PRPF18: variants seen among roughly 807,000 people sequenced by gnomAD.
The protein encoded by PRPF18 is pre-mRNA-splicing factor 18.
In PRPF18, 38 loss-of-function variants were observed where a neutral mutation model predicts 46.5. That is an observed-to-expected ratio of 0.82 (90% confidence interval 0.63 to 1.07). PRPF18 has a LOEUF of 1.07. PRPF18 is among the 50% of genes least tolerant of loss of function. The pLI is 0.00. For missense variants in PRPF18, 263 were observed against 410.0 expected (o/e 0.64, Z 3.10); for synonymous variants, 152 against 146.7 (o/e 1.04, Z -0.26).
intron 9 of PRPF18, among the ~76,000 whole-genome samples, chr10:13,626,072 G>A (rs180853347): frequency 6.6e-6 from 1 of 152,346 alleles, no homozygotes; most frequent in Admixed American, 6.5e-5. Flanking sequence ...AGGTCACATG[G>A]CTAGTCAGTG....
chr10:13,602,645 A>G lies in PRPF18; in HGVS notation c.249+2297A>G, dbSNP rs1356738723. ...ATATAGAAAATGTAATTTTCTTTAT[A>G]TTTTAATTTTGTATCTCAAATGAGT... On this transcript the variant is annotated intron_variant, in intron 3 of 9. Transcript: ENST00000378572. 2.0e-5 allele frequency among the ~76,000 whole-genome samples: 3 copies of G among 151,862 alleles called. No homozygotes were observed. In the East Asian group the frequency reaches 5.8e-4, roughly 29 times the overall value.
rs140709415 is a variant in PRPF18, at chr10:13,587,683, T to A, written c.66+531T>A. 2.8e-3 allele frequency among the ~76,000 whole-genome samples: 431 copies of A among 152,344 alleles called. 3 individuals are homozygous for A. The highest frequency in any genetic ancestry group is 0.01 in the Middle Eastern group (3 of 294). On this transcript the variant is annotated intron_variant, in intron 1 of 9. Coordinates refer to ENST00000378572, the MANE Select transcript of PRPF18 (RefSeq NM_003675.4). ...ACCCTTCATCCAGATACGGGGTAGC[T>A]GATAGGGACCTCAGAAGGAGTACCT...
At chr10:13,616,961 T>C (rs548240703) in intron 9 of PRPF18, among the ~76,000 whole-genome samples, 8 of 152,310 alleles carry the variant, frequency 5.3e-5, no homozygotes, top group Non-Finnish European at 1.2e-4. Context: ...ATCTACTGGG[T>C]TCAAGATGTA....
At chr10:13,641,540 A>C in the PRPF18 span, 1 of 152,250 alleles carries the variant, frequency 6.6e-6, no homozygotes, top group South Asian at 2.1e-4. Flanking sequence ...GTCAATAATA[A>C]AGGGAAGGAG....
the PRPF18 span, chr10:13,640,038 A>G: frequency 6.6e-6 from 1 of 152,198 alleles, no homozygotes; most frequent in Non-Finnish European, 1.5e-5. Flanking sequence ...AGATCACCGC[A>G]CCGTCAGCCG....
At chr10:13,611,111 TC>T (rs1221332966) in intron 5 of PRPF18, among the ~76,000 whole-genome samples, 1 of 151,938 alleles carries the variant, frequency 6.6e-6, no homozygotes, top group Non-Finnish European at 1.5e-5. Context: ...GTCATTTTAA[TC>T]CCCTGCCTCC....
intron 9 of PRPF18, among the ~76,000 whole-genome samples, chr10:13,622,149 G>T (rs141247705): frequency 6.6e-6 from 1 of 152,282 alleles, no homozygotes; most frequent in African/African-American, 2.4e-5. Flanking sequence ...TGGCATTCTG[G>T]GCTATGGTAA....
At position 13,616,451 on chromosome 10, in the gene PRPF18, T is replaced by A; in HGVS notation, c.846T>A (p.Gly282=). ...TTGGAAATGCGCCTTGGCCCATCGGTGTCACTATGGTTGGTATCCATGCCA... is the reference window on the plus strand; with the variant it reads ...TTGGAAATGCGCCTTGGCCCATCGGAGTCACTATGGTTGGTATCCATGCCA... ...MAIGNAPWPI[G]VTMVGIHART... Residue 282 remains glycine, a synonymous_variant, in exon 9 of 10, where the codon GGT becomes GGA. Transcript: ENST00000378572. 6.2e-7 allele frequency: 1 copy of A among 1,613,114 alleles called. No individual in the cohort carries two copies. The highest frequency in any genetic ancestry group is 1.7e-4 in the Middle Eastern group (1 of 6,060).
At chr10:13,600,200 A>G (rs200129981) in intron 2 of PRPF18, 44 bp from the exon 3 acceptor site, 1,397 of 1,431,404 alleles carry the variant, frequency 9.8e-4, no homozygotes, top group Non-Finnish European at 1.3e-3. Flanking sequence ...AATATCAACT[A>G]TATTTTTAAA....
intron 3 of PRPF18, among the ~76,000 whole-genome samples, chr10:13,602,478 T>G (rs2080126264): frequency 6.6e-6 from 1 of 151,904 alleles, no homozygotes; most frequent in South Asian, 2.1e-4. Flanking sequence ...AGTTTTACAT[T>G]TTTATACGAT....
At position 13,630,367 on chromosome 10, in the gene PRPF18, A is replaced by T. The variant is rs367899847; in HGVS notation, c.*27A>T. 1 of 1,548,608 alleles carries T rather than the reference A, an allele frequency of 6.5e-7. No individual in the cohort carries two copies. Among genetic ancestry groups the T allele is most frequent in the Admixed American group, 1.7e-5 (1 of 58,450 alleles). ...ATCTGTGTATGGTGTGTTAATAACA[A>T]TAAGAAACTTAGGGAAGCAGGCTGT... On this transcript the variant is annotated 3_prime_UTR_variant, in exon 10 of 10. Coordinates refer to ENST00000378572, the MANE Select transcript of PRPF18 (RefSeq NM_003675.4).
intron 9 of PRPF18, among the ~76,000 whole-genome samples, chr10:13,624,087 C>T (rs1293727854): frequency 3.3e-5 from 5 of 152,220 alleles, no homozygotes; most frequent in Non-Finnish European, 7.3e-5. Context: ...CAGGTTCAAA[C>T]ACTTGTCATG....
At chr10:13,645,185 G>A in the PRPF18 span, 60 of 152,306 alleles carry the variant, frequency 3.9e-4, no homozygotes, top group African/African-American at 1.4e-3. Context: ...GTCTGGTAGA[G>A]CCTATGGTTA....
intron 6 of PRPF18, among the ~76,000 whole-genome samples, chr10:13,613,059 A>G (rs2080295016): frequency 6.6e-6 from 1 of 152,238 alleles, no homozygotes; most frequent in South Asian, 2.1e-4. Context: ...ACAGCATGGA[A>G]GTAGATAGGG....
chr10:13,635,035 C>T (rs1487627304), downstream of PRPF18, among the ~76,000 whole-genome samples: 1 of 152,138 alleles, frequency 6.6e-6, no homozygotes, highest in Non-Finnish European at 1.5e-5. Flanking sequence ...CTTCCTGATC[C>T]TCTCCCTCCT....
In PRPF18 at chr10:13,627,290, C is replaced by T. The variant is rs573799902; in HGVS notation, c.949-2970C>T. On this transcript the variant is annotated intron_variant, in intron 9 of 9. Transcript: ENST00000378572. Reference sequence around the variant, plus strand: ...TTGCCTGTCTTCCCTTACCACAATTCGATCTCAGGAGGGTGGGATTTTTTC... The same window carrying T: ...TTGCCTGTCTTCCCTTACCACAATTTGATCTCAGGAGGGTGGGATTTTTTC... Among the ~76,000 whole-genome samples the T allele has an allele frequency of 7.9e-5, 12 of 152,264 alleles. No individual in the cohort carries two copies. The East Asian group carries it at 1.2e-3, about 15-fold the overall frequency.
intron 9 of PRPF18, among the ~76,000 whole-genome samples, chr10:13,624,910 A>G (rs1050913462): frequency 7.2e-5 from 11 of 152,226 alleles, no homozygotes; most frequent in African/African-American, 2.7e-4. Flanking sequence ...ATGAATGTTC[A>G]CCTAAGATTC....
intron 8 of PRPF18, among the ~76,000 whole-genome samples, chr10:13,616,193 A>G (rs576282162): frequency 1.4e-3 from 219 of 152,272 alleles, no homozygotes; most frequent in South Asian, 2.3e-3. Flanking sequence ...TGTTTTTTCC[A>G]TGGACATTGG....
At chr10:13,633,579 A>G (rs2080609297), downstream of PRPF18, among the ~76,000 whole-genome samples, 1 of 152,084 alleles carries the variant, frequency 6.6e-6, no homozygotes, top group South Asian at 2.1e-4. Flanking sequence ...ACCCCCGCCT[A>G]CCCTGCCCCA....
Sources: allele counts gnomAD v4.1 joint callset (sites outside exome capture counted in the v4.1 genomes callset), GRCh38; gene constraint gnomAD v4.1.1; transcripts MANE v1.5; gene names NCBI Gene and HGNC (gene_info 2026-07-23, HGNC 2026-07-21).